Variants in HHIP observed in about 807,000 individuals in gnomAD.
The protein encoded by HHIP is hedgehog interacting protein.
A neutral mutation model predicts 74.0 loss-of-function variants in HHIP; 12 were observed. That is an observed-to-expected ratio of 0.16 (90% CI 0.10 to 0.26). HHIP has a LOEUF of 0.26. Among genes scored for constraint, HHIP ranks in the 10% least tolerant of loss-of-function variants. HHIP has a pLI of 1.00. For missense variants in HHIP, 788 were observed against 845.0 expected, an observed-to-expected ratio of 0.93 and a Z score of 0.84; for synonymous variants, 309 against 311.6, an observed-to-expected ratio of 0.99 and a Z score of 0.09.
rs577657477 is a variant in HHIP at position 144,684,383 on chromosome 4, A to G, written c.832-22148A>G. 2.0e-5 allele frequency among the ~76,000 whole-genome samples: 3 copies of G among 149,454 alleles called. No homozygotes were observed. The South Asian group carries it at 6.4e-4, about 32-fold the overall frequency. ...ACGCCATTCTCCTGCCTCAGCCTCCAGAGTAGCTGGGACTACAGGCGCTCG... is the reference window on the plus strand; with the variant it reads ...ACGCCATTCTCCTGCCTCAGCCTCCGGAGTAGCTGGGACTACAGGCGCTCG... On this transcript the variant is annotated intron_variant, in intron 4 of 12. Transcript: ENST00000296575.
In HHIP at chr4:144,660,670, T is replaced by C. The variant is rs540419467; in HGVS notation, c.831+832T>C. Among the ~76,000 whole-genome samples, 4 of 152,126 alleles carry C rather than the reference T, an allele frequency of 2.6e-5. No homozygotes were observed. In the East Asian group the frequency reaches 7.7e-4, roughly 29 times the overall value. ...CTTGCTTTGTTGTGCTGTACTCCAG[T>C]GGTAAGAAGACCCAAATCAGAAGAA... On this transcript the variant is annotated intron_variant, in intron 4 of 12. Transcript: ENST00000296575.
Position 144,737,874 on chromosome 4 carries a change from C to G in HHIP, c.2020C>G (p.Arg674Gly), listed in dbSNP as rs142555055. ...ATGTGAACAAGTGGACAGAAACATC[C>G]GCAGAGTGACCAGGGCAGGTATTCT... ...PQCEQVDRNI[R>G]RVTRAGILDQ... is the part of the protein sequence containing the mutation. The change falls in exon 13 of 13, where the codon CGC becomes GGC. Residue 674 changes from arginine (R) to glycine (G), a missense_variant. Physicochemically the swap from Arg to Gly is moderately radical, Grantham distance 125. Transcript: ENST00000296575. The G allele has an allele frequency of 5.1e-5, 82 of 1,613,770 alleles. 1 individual carries two copies. The Middle Eastern group carries it at 6.6e-4, about 13-fold the overall frequency.
intron 11 of HHIP, 109 bp downstream of exon 11, chr4:144,719,065 C>T (rs1018531018): frequency 1.4e-6 from 1 of 726,660 alleles, no homozygotes; most frequent in Non-Finnish European, 2.4e-6. Flanking sequence ...CCAAGATGTA[C>T]ACTTTTACCA....
At chr4:144,670,764 G>GAAAAAAAAAAAAAAAAAAA (rs1167213848) in intron 4 of HHIP, among the ~76,000 whole-genome samples, 1 of 54,890 alleles carries the variant, frequency 1.8e-5, no homozygotes, top group African/African-American at 7.4e-5. Flanking sequence ...CTTAAGATTT[G>GAAAAAAAAAAAAAAAAAAA]AAAAAAAAAA....
chr4:144,689,928 C>T (rs530923044), intron 4 of HHIP, among the ~76,000 whole-genome samples: 1 of 152,142 alleles, frequency 6.6e-6, no homozygotes, highest in Non-Finnish European at 1.5e-5. Flanking sequence ...CCTGCCTCAG[C>T]CTCCCAAGTA....
chr4:144,745,155 A>C lies in HHIP; in HGVS notation c.*7198A>C, dbSNP rs546532648. Reference sequence around the variant, plus strand: ...AGGTGAAAAGGACGTTTAAGTGTACAATTTCTTTTCTTAATTTAATATATT... The same window carrying C: ...AGGTGAAAAGGACGTTTAAGTGTACCATTTCTTTTCTTAATTTAATATATT... On this transcript the variant is annotated 3_prime_UTR_variant, in exon 13 of 13. Coordinates refer to ENST00000296575, the MANE Select transcript of HHIP (RefSeq NM_022475.3). 6.6e-6 allele frequency: 1 copy of C among 152,270 alleles called. No homozygotes were observed. Among genetic ancestry groups the C allele is most frequent in the African/African-American group, 2.4e-5 (1 of 41,560 alleles). The allele number at this position is 152,270 out of a possible 1,614,324, so 9.4% of individuals were successfully genotyped here.
chr4:144,712,802 T>A (rs1055174980), intron 8 of HHIP, among the ~76,000 whole-genome samples: 1 of 152,096 alleles, frequency 6.6e-6, no homozygotes, highest in Admixed American at 6.6e-5. Context: ...TATTTACTCA[T>A]TCAATACAGA....
chr4:144,704,668 T>G (rs1247024883), intron 4 of HHIP, among the ~76,000 whole-genome samples: 1 of 152,224 alleles, frequency 6.6e-6, no homozygotes, highest in East Asian at 1.9e-4. Flanking sequence ...CTGCTTATGG[T>G]GGAACACAAA....
At position 144,668,319 on chromosome 4, in the gene HHIP, C is replaced by CA. The variant is rs1220851273; in HGVS notation, c.831+8492dup. On this transcript the variant is annotated intron_variant, in intron 4 of 12. Transcript: ENST00000296575. ...CCCGGGTGACAGTCAGATTCCATCT[C>CA]AAAAAAAAAAAGCAGATCAGTAAAA... Among the ~76,000 whole-genome samples the CA allele has an allele frequency of 6.6e-3, 857 of 130,412 alleles. 9 individuals are homozygous for CA. The highest frequency in any genetic ancestry group is 0.02 in the African/African-American group (693 of 35,310). 85.6% of individuals were successfully genotyped at this position (130,412 alleles called of 152,430 possible).
chr4:144,700,262 G>C (rs968535381), intron 4 of HHIP, among the ~76,000 whole-genome samples: 5 of 152,174 alleles, frequency 3.3e-5, no homozygotes, highest in African/African-American at 1.2e-4. Context: ...GTATCTCCTT[G>C]TGAACTTATA....
chr4:144,714,182 T>C (rs1730380117), intron 8 of HHIP, 43 bp from the exon 9 acceptor site: 1 of 1,574,366 alleles, frequency 6.4e-7, no homozygotes, highest in Non-Finnish European at 8.7e-7. Context: ...TTTTACTTTA[T>C]GAAAATATGT....
intron 4 of HHIP, among the ~76,000 whole-genome samples, chr4:144,690,809 T>C (rs1010916592): frequency 3.3e-5 from 5 of 152,176 alleles, no homozygotes; most frequent in African/African-American, 1.2e-4. Context: ...ACCAGTGTCT[T>C]ATCATTAGCA....
chr4:144,670,939 A>T (rs1330160377), intron 4 of HHIP, among the ~76,000 whole-genome samples: 1 of 152,104 alleles, frequency 6.6e-6, no homozygotes, highest in East Asian at 1.9e-4. Flanking sequence ...GTTCAGGAAA[A>T]GTGAAACAAA....
intron 1 of HHIP, chr4:144,647,374 G>C (rs975568047): frequency 3.0e-5 from 5 of 165,042 alleles, no homozygotes; most frequent in African/African-American, 9.5e-5. Context: ...CCACGTGCTC[G>C]GTTAGGGAGA....
chr4:144,729,179 A>C (rs1235052116), intron 11 of HHIP, among the ~76,000 whole-genome samples: 1 of 152,196 alleles, frequency 6.6e-6, no homozygotes, highest in African/African-American at 2.4e-5. Context: ...GACAGTAAAA[A>C]TTTATCCCAT....
At chr4:144,720,036 G>T (rs1435366490) in intron 11 of HHIP, among the ~76,000 whole-genome samples, 1 of 152,142 alleles carries the variant, frequency 6.6e-6, no homozygotes, top group Non-Finnish European at 1.5e-5. Flanking sequence ...AAAAGAATCA[G>T]TTCAAACAAT....
rs146851223 is a variant in HHIP at position 144,734,771 on chromosome 4, G to A, written c.1791G>A (p.Thr597=). The change falls in exon 12 of 13, where the codon ACG becomes ACA. Residue 597 remains threonine (T), a synonymous_variant. Coordinates refer to ENST00000296575, the MANE Select transcript of HHIP (RefSeq NM_022475.3). The part of the protein sequence containing the change: ...RPLMPEECRA[T]VQPAQTLTSE... ...TAATGCCTGAGGAATGCAGAGCCAC[G>A]GTACAACCTGCACAGACACTGACTT... 2.7e-5 allele frequency: 43 copies of A among 1,602,556 alleles called. No homozygotes were observed. The African/African-American group carries it at 3.3e-4, about 12-fold the overall frequency.
chr4:144,714,338 G>A lies in HHIP; in HGVS notation c.1537G>A (p.Asp513Asn). The change falls in exon 9 of 13, where the codon GAT becomes AAT. Residue 513 changes from aspartate to asparagine, a missense_variant. By Grantham distance (23) the Asp-to-Asn change is conservative (BLOSUM62 1). Transcript: ENST00000296575. ...ERLYGSYVFG[D>N]RNGNFLTLQQ... ...ATTGTATGGAAGCTACGTGTTTGGA[G>A]ATCGTAATGGGTAGGTTTCCTGATA... The A allele has an allele frequency of 6.2e-7, 1 of 1,613,374 alleles. No individual in the cohort carries two copies.
intron 9 of HHIP, among the ~76,000 whole-genome samples, chr4:144,714,783 A>C (rs977014303): frequency 6.6e-6 from 1 of 152,156 alleles, no homozygotes; most frequent in African/African-American, 2.4e-5. Flanking sequence ...TTGTCTCTAT[A>C]AGTAGGAATA....
Sources: gnomAD v4.1 joint callset for allele counts (sites outside exome capture counted in the v4.1 genomes callset) on GRCh38, gnomAD v4.1.1 for gene constraint, MANE v1.5 for transcripts, NCBI Gene and HGNC (gene_info 2026-07-23, HGNC 2026-07-21) for gene names.